The following ERBIN variants were observed in gnomAD, a reference collection of about 807,000 sequenced individuals.
ERBIN encodes the protein erbb2 interacting protein.
Under a neutral mutation model 158.4 loss-of-function variants are expected in ERBIN, and 60 were observed. The ratio of observed to expected loss-of-function variants is 0.38; its 90% CI spans 0.31 to 0.47. ERBIN has a LOEUF of 0.47. ERBIN is among the 20% of genes least tolerant of loss of function. ERBIN has a pLI of 0.99. For synonymous variants in ERBIN, 594 were observed against 557.2 expected, an observed-to-expected ratio of 1.07 and a Z score of -0.93; for missense variants, 1,610 against 1,648.0, an observed-to-expected ratio of 0.98 and a Z score of 0.40.
intron 21 of ERBIN, among the ~76,000 whole-genome samples, chr5:66,060,587 G>T (rs1427340939): frequency 6.6e-6 from 1 of 152,084 alleles, no homozygotes; most frequent in Non-Finnish European, 1.5e-5. Context: ...GCTAGTTTTT[G>T]AATGTGTTTG....
intron 4 of ERBIN, 139 bp from the exon 5 acceptor site, chr5:66,011,910 C>T (rs1754247276): frequency 3.9e-6 from 2 of 510,848 alleles, no homozygotes; most frequent in South Asian, 3.9e-5. Context: ...TTGTTTAGTT[C>T]ACATTGATGT....
intron 18 of ERBIN, among the ~76,000 whole-genome samples, chr5:66,047,672 G>A (rs1355159118): frequency 6.6e-6 from 1 of 151,912 alleles, no homozygotes; most frequent in African/African-American, 2.4e-5. Context: ...ATGCATTCAA[G>A]CACACCATCT....
chr5:65,965,688 T>TG (rs1748530607), intron 1 of ERBIN, among the ~76,000 whole-genome samples: 1 of 152,166 alleles, frequency 6.6e-6, no homozygotes, highest in Admixed American at 6.5e-5. Flanking sequence ...CCACTGCACC[T>TG]GGCCCCATTC....
chr5:66,042,967 A>C (rs1475741735), intron 15 of ERBIN, 110 bp from the exon 16 acceptor site: 3 of 807,600 alleles, frequency 3.7e-6, no homozygotes, highest in Non-Finnish European at 5.9e-6. Flanking sequence ...ATTCTTAACT[A>C]TTTTAGACTT....
At chr5:66,068,918 A>G (rs1310151363) in intron 21 of ERBIN, 3 of 1,535,710 alleles carry the variant, frequency 2.0e-6, no homozygotes, top group African/African-American at 2.7e-5. Context: ...TTACTACTGT[A>G]AGCAGTTTTC....
At chr5:66,042,981 G>A in intron 15 of ERBIN, 96 bp from the exon 16 acceptor site, 1 of 908,192 alleles carries the variant, frequency 1.1e-6, no homozygotes, top group South Asian at 1.7e-5. Context: ...TAGACTTATT[G>A]TAGTGAACAT....
In ERBIN at chr5:66,072,160, G is replaced by C. The variant is rs151184427; in HGVS notation, c.3634-9G>C. On this transcript the variant is annotated splice_polypyrimidine_tract_variant and intron_variant, in intron 21 of 25. Coordinates refer to ENST00000284037, the MANE Select transcript of ERBIN (RefSeq NM_001253697.2). Reference sequence around the variant, plus strand: ...ATTATTTGTTTACTTTTTATTTCCTGCTCATTAGAAGCATCCCCAGACATC... The same window carrying C: ...ATTATTTGTTTACTTTTTATTTCCTCCTCATTAGAAGCATCCCCAGACATC... 3.2e-6 allele frequency: 5 copies of C among 1,545,164 alleles called. No homozygotes were observed. Among genetic ancestry groups the C allele is most frequent in the Non-Finnish European group, 4.4e-6 (5 of 1,144,752 alleles).
chr5:66,037,805 A>C (rs1293637955), intron 14 of ERBIN, among the ~76,000 whole-genome samples: 1 of 152,166 alleles, frequency 6.6e-6, no homozygotes, highest in Non-Finnish European at 1.5e-5. Context: ...AAAAATCATA[A>C]GAAAAAAGAA....
chr5:66,005,990 A>C (rs568588657), intron 4 of ERBIN, among the ~76,000 whole-genome samples: 1 of 152,332 alleles, frequency 6.6e-6, no homozygotes, highest in South Asian at 2.1e-4. Context: ...TTATAGATTC[A>C]ATACCATCCC....
intron 7 of ERBIN, among the ~76,000 whole-genome samples, chr5:66,015,733 A>AG (rs1272688476): frequency 6.6e-6 from 1 of 152,170 alleles, no homozygotes; most frequent in African/African-American, 2.4e-5. Flanking sequence ...GCTACTCTGG[A>AG]GGCTGAGGAG....
intron 1 of ERBIN, among the ~76,000 whole-genome samples, chr5:65,950,313 A>C (rs1409239294): frequency 6.6e-6 from 1 of 152,148 alleles, no homozygotes; most frequent in Non-Finnish European, 1.5e-5. Flanking sequence ...AGTTTCCTCC[A>C]ATCTGACAAT....
intron 20 of ERBIN, 106 bp from the exon 21 acceptor site, chr5:66,053,300 A>T: frequency 1.6e-6 from 1 of 609,574 alleles, no homozygotes. Flanking sequence ...TTTGACTTTT[A>T]TTAACTTTTT....
intron 7 of ERBIN, among the ~76,000 whole-genome samples, chr5:66,018,729 C>T (rs991177331): frequency 3.4e-5 from 5 of 145,518 alleles, no homozygotes; most frequent in Admixed American, 1.5e-4. Context: ...CTCTATCTCC[C>T]GGGTCCACGC....
chr5:65,991,359 C>G (rs1268630369), intron 2 of ERBIN, among the ~76,000 whole-genome samples: 1 of 152,072 alleles, frequency 6.6e-6, no homozygotes, highest in Non-Finnish European at 1.5e-5. Context: ...TGCCTGAGTC[C>G]TTACTAGCCT....
Position 66,078,637 on chromosome 5 carries a change from A to G in ERBIN, c.*107A>G, listed in dbSNP as rs1413364899. On this transcript the variant is annotated 3_prime_UTR_variant, in exon 26 of 26. Transcript: ENST00000284037. ...TTATATATAAAGAAGAACTCAAAAAATTATGTTCAAATTTGTACATTAATG... is the reference window on the plus strand; with the variant it reads ...TTATATATAAAGAAGAACTCAAAAAGTTATGTTCAAATTTGTACATTAATG... 1.4e-6 allele frequency: 1 copy of G among 710,910 alleles called. No homozygotes were observed. Among genetic ancestry groups the G allele is most frequent in the Non-Finnish European group, 2.4e-6 (1 of 414,144 alleles). The allele number at this position is 710,910 out of a possible 1,614,324, so 44.0% of individuals were successfully genotyped here. A position where few individuals can be genotyped will look rare whatever the true frequency, so the allele number is the denominator to read the frequency against.
intron 1 of ERBIN, among the ~76,000 whole-genome samples, chr5:65,964,321 CAGA>C (rs1232154823): frequency 2.0e-5 from 3 of 152,098 alleles, no homozygotes; most frequent in Non-Finnish European, 4.4e-5. Context: ...GGTGTTGTAT[CAGA>C]GGAGGATACA....
At chr5:66,012,019 CT>C in intron 4 of ERBIN, 29 bp from the exon 5 acceptor site, 2 of 1,406,622 alleles carry the variant, frequency 1.4e-6, no homozygotes, top group South Asian at 1.2e-5. Flanking sequence ...TGTAATAGAT[CT>C]TTTAATTTGA....
In ERBIN at chr5:66,054,835, C is replaced by G. The variant is rs1230176748; in HGVS notation, c.3517C>G (p.Pro1173Ala). 2 of 1,614,092 alleles carry G rather than the reference C, an allele frequency of 1.2e-6. No individual in the cohort carries two copies. The highest frequency in any genetic ancestry group is 4.5e-5 in the East Asian group (2 of 44,878). Reference sequence around the variant, plus strand: ...TTCACGGACTAGTCCTTCAAAAAGACCAAATGCAAGGGTTGGTTCTGAGCA... The same window carrying G: ...TTCACGGACTAGTCCTTCAAAAAGAGCAAATGCAAGGGTTGGTTCTGAGCA... ...NYSRTSPSKR[P>A]NARVGSEHSL... is the part of the protein sequence containing the mutation. Residue 1173 changes from proline to alanine, a missense_variant, in exon 21 of 26, where the codon CCA (proline) becomes GCA (alanine). By Grantham distance (27) the Pro-to-Ala change is conservative. Transcript: ENST00000284037.
At chr5:66,074,988 TATTG>T (rs747485589) in intron 22 of ERBIN, 32 bp from the exon 23 acceptor site, 1 of 1,575,944 alleles carries the variant, frequency 6.3e-7, no homozygotes, top group Admixed American at 1.7e-5. Flanking sequence ...AAGACATTAT[TATTG>T]GTCATTTTAA....
Sources: allele counts gnomAD v4.1 joint callset (sites outside exome capture counted in the v4.1 genomes callset), GRCh38; gene constraint gnomAD v4.1.1; transcripts MANE v1.5; gene names NCBI Gene and HGNC (gene_info 2026-07-23, HGNC 2026-07-21).